MDFIC: variants seen among roughly 807,000 people sequenced by gnomAD.
MDFIC encodes the protein myoD family inhibitor domain-containing protein.
A neutral mutation model predicts 23.2 loss-of-function variants in MDFIC; 17 were observed. The ratio of observed to expected loss-of-function variants is 0.73; its 90% CI spans 0.50 to 1.10. The LOEUF (loss-of-function observed/expected upper bound fraction) is 1.10, where lower values mean the gene tolerates loss of function less well. MDFIC is among the 50% of genes least tolerant of loss of function. The pLI, the probability that MDFIC is intolerant of heterozygous loss-of-function variation, is 0.00. For missense variants in MDFIC, 356 were observed against 316.6 expected (o/e 1.12, Z -0.95); for synonymous variants, 120 against 115.2 (o/e 1.04, Z -0.27).
chr7:114,985,153 G>C (rs1485073258), intron 4 of MDFIC, among the ~76,000 whole-genome samples: 1 of 152,156 alleles, frequency 6.6e-6, no homozygotes, highest in Non-Finnish European at 1.5e-5. Flanking sequence ...AGGTTACTTA[G>C]CCTCTTTTTG....
At chr7:114,960,242 TCA>T (rs1376143375) in intron 3 of MDFIC, among the ~76,000 whole-genome samples, 3 of 152,048 alleles carry the variant, frequency 2.0e-5, no homozygotes, top group African/African-American at 7.2e-5. Flanking sequence ...TGGATATGAG[TCA>T]CACAGAGTGA....
intron 4 of MDFIC, among the ~76,000 whole-genome samples, chr7:114,980,529 T>G (rs1490124191): frequency 6.6e-6 from 1 of 152,180 alleles, no homozygotes; most frequent in Non-Finnish European, 1.5e-5. Flanking sequence ...TGGTGACAAT[T>G]AAAACAGACT....
intron 2 of MDFIC, among the ~76,000 whole-genome samples, chr7:114,938,312 A>G (rs1792470004): frequency 6.6e-6 from 1 of 152,214 alleles, no homozygotes; most frequent in Non-Finnish European, 1.5e-5. Flanking sequence ...ATACCTCTAT[A>G]TTAATTAGAT....
chr7:114,969,252 G>A (rs1316070176), intron 3 of MDFIC, among the ~76,000 whole-genome samples: 1 of 152,150 alleles, frequency 6.6e-6, no homozygotes, highest in Admixed American at 6.5e-5. Context: ...GAAGGTGAAG[G>A]ATGAAGTTTA....
intron 2 of MDFIC, among the ~76,000 whole-genome samples, chr7:114,928,711 T>C (rs1792245526): frequency 6.6e-6 from 1 of 152,110 alleles, no homozygotes; most frequent in Admixed American, 6.5e-5. Context: ...ACCACTGAAG[T>C]CTCTTAAGAA....
intron 4 of MDFIC, among the ~76,000 whole-genome samples, chr7:115,013,186 A>T (rs1791715441): frequency 6.6e-6 from 1 of 152,148 alleles, no homozygotes; most frequent in South Asian, 2.1e-4. Flanking sequence ...AGGGGTGTGT[A>T]CACATGTACT....
Position 115,016,245 on chromosome 7 carries a change from C to T in MDFIC, c.*310C>T, listed in dbSNP as rs1585126185. ...TACCGATATTTCTGTTTCTTTTAAC[C>T]GTTCTCAGGAGCACTTTGCTCCAAA... On this transcript the variant is annotated 3_prime_UTR_variant, in exon 5 of 5. Transcript: ENST00000393486. 6.8e-6 allele frequency: 2 copies of T among 294,512 alleles called. No individual in the cohort carries two copies. Among genetic ancestry groups the T allele is most frequent in the Non-Finnish European group, 1.3e-5 (2 of 156,114 alleles). 18.2% of individuals were successfully genotyped at this position (294,512 alleles called of 1,614,324 possible).
chr7:114,994,204 A>G (rs757788177), intron 4 of MDFIC, among the ~76,000 whole-genome samples: 4 of 152,146 alleles, frequency 2.6e-5, no homozygotes, highest in Non-Finnish European at 5.9e-5. Flanking sequence ...TTTGCTTGGT[A>G]GATCTTCCTC....
intron 3 of MDFIC, among the ~76,000 whole-genome samples, 183 bp from the exon 4 acceptor site, chr7:114,979,323 A>G (rs1357682816): frequency 6.6e-6 from 1 of 151,908 alleles, no homozygotes; most frequent in Admixed American, 6.6e-5. Flanking sequence ...CCCATTTTCC[A>G]TTTTAGTAAA....
At chr7:115,009,739 C>T (rs1012445521) in intron 4 of MDFIC, among the ~76,000 whole-genome samples, 1 of 152,292 alleles carries the variant, frequency 6.6e-6, no homozygotes, top group African/African-American at 2.4e-5. Context: ...GATGACCTTT[C>T]GTAGGACTCA....
intron 2 of MDFIC, among the ~76,000 whole-genome samples, chr7:114,926,118 C>T (rs569817103): frequency 1.3e-5 from 2 of 152,270 alleles, no homozygotes; most frequent in South Asian, 4.1e-4. Context: ...TGTTATGGAA[C>T]CACATTGAAA....
At chr7:114,924,486 G>T (rs1380051453) in intron 2 of MDFIC, among the ~76,000 whole-genome samples, 1 of 152,166 alleles carries the variant, frequency 6.6e-6, no homozygotes. Flanking sequence ...AAAATCATCT[G>T]GGAGAATGTG....
chr7:114,995,712 T>C (rs1791310306), intron 4 of MDFIC, among the ~76,000 whole-genome samples: 2 of 152,224 alleles, frequency 1.3e-5, no homozygotes, highest in Admixed American at 1.3e-4. Context: ...GGAAGCTTCA[T>C]CTCAGAGGGG....
At chr7:115,013,356 C>T (rs763553717) in intron 4 of MDFIC, among the ~76,000 whole-genome samples, 2 of 152,144 alleles carry the variant, frequency 1.3e-5, no homozygotes, top group Non-Finnish European at 2.9e-5. Flanking sequence ...ACGAGACATT[C>T]TTTCCCCTTT....
chr7:114,953,825 C>T (rs1395031803), intron 3 of MDFIC, among the ~76,000 whole-genome samples: 3 of 152,110 alleles, frequency 2.0e-5, no homozygotes, highest in African/African-American at 7.2e-5. Flanking sequence ...ACTTATAATA[C>T]CTAATACAAT....
At chr7:115,004,149 TA>T (rs1791520590) in intron 4 of MDFIC, among the ~76,000 whole-genome samples, 1 of 152,220 alleles carries the variant, frequency 6.6e-6, no homozygotes, top group Admixed American at 6.5e-5. Flanking sequence ...CTCCCCTTAG[TA>T]GCTTTGCACC....
intron 3 of MDFIC, among the ~76,000 whole-genome samples, chr7:114,958,815 A>G (rs925569617): frequency 6.6e-6 from 1 of 152,176 alleles, no homozygotes; most frequent in African/African-American, 2.4e-5. Flanking sequence ...TCCCTAAAAT[A>G]TGCAGCCCAT....
At chr7:114,974,278 A>C (rs1416913308) in intron 3 of MDFIC, among the ~76,000 whole-genome samples, 1 of 139,266 alleles carries the variant, frequency 7.2e-6, no homozygotes, top group Admixed American at 7.7e-5. Context: ...ATATGCAAAT[A>C]ATTGCATATA....
chr7:115,010,024 A>G (rs1267366558), intron 4 of MDFIC, among the ~76,000 whole-genome samples: 1 of 152,046 alleles, frequency 6.6e-6, no homozygotes, highest in African/African-American at 2.4e-5. Context: ...TTTGGCAAAA[A>G]CTGTAAATAA....
Sources: gnomAD v4.1 joint callset for allele counts (sites outside exome capture counted in the v4.1 genomes callset) on GRCh38, gnomAD v4.1.1 for gene constraint, MANE v1.5 for transcripts, NCBI Gene and HGNC (gene_info 2026-07-23, HGNC 2026-07-21) for gene names.